The following PTPRQ variants were observed in gnomAD, a reference collection of about 807,000 sequenced individuals.
The protein encoded by PTPRQ is phosphatidylinositol phosphatase PTPRQ.
In PTPRQ, 199 loss-of-function variants were observed where a neutral mutation model predicts 246.0. The ratio of observed to expected loss-of-function variants is 0.81; its 90% CI spans 0.72 to 0.91. The LOEUF is 0.91. PTPRQ is among the 40% of genes least tolerant of loss of function. The pLI is 0.00. For missense variants in PTPRQ, 2,624 were observed against 2,528.4 expected, an observed-to-expected ratio of 1.04 and a Z score of -0.81; for synonymous variants, 869 against 853.2, an observed-to-expected ratio of 1.02 and a Z score of -0.32.
intron 8 of PTPRQ, among the ~76,000 whole-genome samples, chr12:80,475,482 T>C (rs77610329): frequency 0.019 from 2,859 of 152,146 alleles, 89 homozygotes; most frequent in African/African-American, 0.065. Context: ...TCAAAACTGA[T>C]GCTGAACCAT....
chr12:80,484,460 T>C lies in PTPRQ; in HGVS notation c.1214T>C (p.Leu405Pro). 6.4e-7 allele frequency: 1 copy of C among 1,550,700 alleles called. No homozygotes were observed. Among genetic ancestry groups the C allele is most frequent in the Non-Finnish European group, 8.7e-7 (1 of 1,146,640 alleles). The change falls in exon 9 of 45, where the codon CTT becomes CCT. Residue 405 changes from leucine (L) to proline (P), a missense_variant. Physicochemically the swap from Leu to Pro is moderately conservative, Grantham distance 98. Transcript: ENST00000644991. ...DVPGAVFDLQ[L>P]AEVESTQVRI... is the part of the protein sequence containing the mutation. ...CCAGGGGCAGTGTTTGATTTACAAC[T>C]TGCAGAGGTAGAATCCACGCAAGTA...
chr12:80,572,119 A>T (rs1276532006), intron 25 of PTPRQ, among the ~76,000 whole-genome samples: 2 of 152,096 alleles, frequency 1.3e-5, no homozygotes, highest in Non-Finnish European at 2.9e-5. Context: ...GTATACATCT[A>T]TACATGGGGA....
At chr12:80,639,063 G>A (rs1899762682) in intron 35 of PTPRQ, among the ~76,000 whole-genome samples, 2 of 152,218 alleles carry the variant, frequency 1.3e-5, no homozygotes, top group Admixed American at 1.3e-4. Context: ...GCTCTTATTG[G>A]CAAGATCAGC....
At chr12:80,592,523 A>C (rs1897832749) in intron 26 of PTPRQ, among the ~76,000 whole-genome samples, 1 of 152,162 alleles carries the variant, frequency 6.6e-6, no homozygotes, top group South Asian at 2.1e-4. Flanking sequence ...GAAATAACAT[A>C]AGAATAAAAG....
intron 39 of PTPRQ, among the ~76,000 whole-genome samples, chr12:80,668,336 C>T (rs1900853186): frequency 6.6e-6 from 1 of 151,844 alleles, no homozygotes; most frequent in Admixed American, 6.6e-5. Context: ...AGACAGATCT[C>T]ATGTCCTATG....
At chr12:80,583,848 G>A (rs1421459535) in intron 25 of PTPRQ, 2 of 152,148 alleles carry the variant, frequency 1.3e-5, no homozygotes, top group African/African-American at 4.8e-5. Flanking sequence ...ACGTGGTTGT[G>A]GTAGAATTTA....
intron 3 of PTPRQ, among the ~76,000 whole-genome samples, chr12:80,448,084 C>T (rs575261102): frequency 6.6e-6 from 1 of 151,988 alleles, no homozygotes; most frequent in East Asian, 1.9e-4. Context: ...TCTTGTAGTT[C>T]TCCTTGTAAA....
At chr12:80,504,302 T>A (rs930458525) in intron 14 of PTPRQ, among the ~76,000 whole-genome samples, 8 of 151,796 alleles carry the variant, frequency 5.3e-5, no homozygotes, top group Non-Finnish European at 1.2e-4. Flanking sequence ...CCTCAAGAGA[T>A]TTTTAATTTT....
chr12:80,469,765 A>G (rs572912409), intron 7 of PTPRQ, among the ~76,000 whole-genome samples: 68 of 152,336 alleles, frequency 4.5e-4, no homozygotes, highest in African/African-American at 1.6e-3. Context: ...GATACACAGA[A>G]ACAGACATGG....
intron 25 of PTPRQ, among the ~76,000 whole-genome samples, chr12:80,581,200 T>A (rs1897423152): frequency 1.3e-5 from 2 of 152,068 alleles, no homozygotes; most frequent in East Asian, 3.9e-4. Context: ...TAGCAAACTC[T>A]AGGGAGAGAA....
intron 3 of PTPRQ, among the ~76,000 whole-genome samples, chr12:80,452,939 T>C (rs568542337): frequency 1.4e-4 from 21 of 152,374 alleles, no homozygotes; most frequent in African/African-American, 5.0e-4. Flanking sequence ...GAAGTTCTCC[T>C]GGATAATATC....
At chr12:80,660,285 T>A (rs1212965734) in intron 39 of PTPRQ, among the ~76,000 whole-genome samples, 2 of 152,004 alleles carry the variant, frequency 1.3e-5, no homozygotes, top group Non-Finnish European at 2.9e-5. Context: ...GACCAGCATA[T>A]GGTCTGAGGG....
In PTPRQ at chr12:80,657,490, C is replaced by T. The variant is rs1272935059; in HGVS notation, c.6116-495C>T. 3.1e-4 allele frequency among the ~76,000 whole-genome samples: 47 copies of T among 151,662 alleles called. 1 individual carries two copies. The highest frequency in any genetic ancestry group is 5.9e-5 in the Non-Finnish European group (4 of 67,704). On this transcript the variant is annotated intron_variant, in intron 38 of 44. Coordinates refer to ENST00000644991, the MANE Select transcript of PTPRQ (RefSeq NM_001145026.2). Reference sequence around the variant, plus strand: ...ATTTTACTGCTGGTAGTATATTCTACAAGTACACTCCTATATATATGCAAT... The same window carrying T: ...ATTTTACTGCTGGTAGTATATTCTATAAGTACACTCCTATATATATGCAAT...
intron 25 of PTPRQ, among the ~76,000 whole-genome samples, chr12:80,584,744 C>T (rs775019667): frequency 6.0e-4 from 92 of 152,206 alleles, no homozygotes; most frequent in Middle Eastern, 3.4e-3. Context: ...TGAACACCCA[C>T]GTCAATCAAA....
chr12:80,499,474 G>T (rs1272081789), intron 14 of PTPRQ, among the ~76,000 whole-genome samples: 1 of 151,914 alleles, frequency 6.6e-6, no homozygotes, highest in Non-Finnish European at 1.5e-5. Context: ...GTCATTTGAA[G>T]CAAGATGAGC....
intron 43 of PTPRQ, 21 bp from the exon 44 acceptor site, chr12:80,678,581 C>T: frequency 6.6e-7 from 1 of 1,526,682 alleles, no homozygotes; most frequent in Non-Finnish European, 8.8e-7. Flanking sequence ...TTTGTTTAAC[C>T]ACTCTGTCTT....
chr12:80,647,117 C>T (rs188619461), intron 35 of PTPRQ, among the ~76,000 whole-genome samples: 104 of 152,178 alleles, frequency 6.8e-4, no homozygotes, highest in Admixed American at 2.9e-3. Flanking sequence ...TTTGCAGTAC[C>T]GGCTCAAATG....
intron 24 of PTPRQ, among the ~76,000 whole-genome samples, chr12:80,548,091 G>A (rs1183699492): frequency 1.3e-5 from 2 of 151,986 alleles, no homozygotes; most frequent in Non-Finnish European, 1.5e-5. Context: ...TGTACATGAG[G>A]ACAATAAGAA....
chr12:80,453,396 C>T (rs989707478), intron 3 of PTPRQ, among the ~76,000 whole-genome samples: 1 of 152,202 alleles, frequency 6.6e-6, no homozygotes, highest in East Asian at 1.9e-4. Flanking sequence ...CAGCTTTGTT[C>T]TGTTGCTGGT....
Sources: allele counts gnomAD v4.1 joint callset (sites outside exome capture counted in the v4.1 genomes callset), GRCh38; gene constraint gnomAD v4.1.1; transcripts MANE v1.5; gene names NCBI Gene and HGNC (gene_info 2026-07-23, HGNC 2026-07-21).